FILIP1: variants seen among roughly 807,000 people sequenced by gnomAD.
FILIP1 encodes the protein filamin-A-interacting protein 1.
Under a neutral mutation model 102.1 loss-of-function variants are expected in FILIP1, and 61 were observed. The observed-to-expected ratio is 0.60, with a 90% CI of 0.49 to 0.74. FILIP1 has a LOEUF of 0.74. Ranked by LOEUF, FILIP1 falls within the 30% of genes least tolerant of loss-of-function variation. The pLI is 0.00. For missense variants in FILIP1, 1,314 were observed against 1,441.2 expected (o/e 0.91, Z 1.43); for synonymous variants, 491 against 526.9 (o/e 0.93, Z 0.93).
chr6:75,333,687 AAATCACACT>A (rs1279948657), intron 4 of FILIP1, among the ~76,000 whole-genome samples: 1 of 152,162 alleles, frequency 6.6e-6, no homozygotes, highest in East Asian at 1.9e-4. Flanking sequence ...TGTGAATCTA[AAATCACACT>A]ATAAAAATTT....
intron 4 of FILIP1, among the ~76,000 whole-genome samples, chr6:75,322,594 A>T (rs1773700182): frequency 6.6e-6 from 1 of 152,256 alleles, no homozygotes; most frequent in Non-Finnish European, 1.5e-5. Flanking sequence ...TCTTTAGAGA[A>T]CAAAGACAAG....
At chr6:75,403,310 T>C (rs1037436879) in intron 2 of FILIP1, among the ~76,000 whole-genome samples, 1 of 151,792 alleles carries the variant, frequency 6.6e-6, no homozygotes, top group Admixed American at 6.6e-5. Flanking sequence ...ACTCAGGAGT[T>C]CAAGACCAGC....
intron 3 of FILIP1, among the ~76,000 whole-genome samples, chr6:75,360,407 C>A (rs1424378753): frequency 1.3e-5 from 2 of 152,062 alleles, no homozygotes; most frequent in Non-Finnish European, 2.9e-5. Context: ...CTAGGGACTT[C>A]CGGATATATT....
Position 75,313,601 on chromosome 6 carries a change from A to T in FILIP1, c.2231T>A (p.Leu744His), listed in dbSNP as rs1422685554. The stretch of plus-strand genomic sequence containing the variant: ...TTGAAGTACAGAATAATCTACCTGG[A>T]GCTGAGAAAGCTGATCTTCTTTGTT... ...LMNKEDQLSQLQVDYSVLQQR... is the reference protein window; with the variant it reads ...LMNKEDQLSQHQVDYSVLQQR... The change falls in exon 5 of 6, where the codon CTC (leucine) becomes CAC (histidine). Residue 744 changes from leucine to histidine, a missense_variant. Leu to His is a moderately conservative substitution (Grantham distance 99). This residue lies in a region of FILIP1 where 816 missense variants were observed against 913.1 expected (regional missense o/e 0.89). Coordinates refer to ENST00000237172, the MANE Select transcript of FILIP1 (RefSeq NM_015687.5). The surrounding 1 kb of genome is among the most constrained non-coding windows in gnomAD (Gnocchi z 4.2). The T allele has an allele frequency of 3.1e-6, 5 of 1,609,260 alleles. No individual in the cohort carries two copies. The highest frequency in any genetic ancestry group is 4.2e-6 in the Non-Finnish European group (5 of 1,178,764).
chr6:75,306,956 C>A (rs1297851351), downstream of FILIP1, among the ~76,000 whole-genome samples: 2 of 152,088 alleles, frequency 1.3e-5, no homozygotes, highest in African/African-American at 4.8e-5. Context: ...GCGCCCACCC[C>A]CACACTCGGC....
chr6:75,397,396 GA>G (rs1385174417), intron 2 of FILIP1, among the ~76,000 whole-genome samples: 1 of 150,094 alleles, frequency 6.7e-6, no homozygotes, highest in African/African-American at 2.4e-5. Context: ...TTCCATTAAA[GA>G]AAAAAAAGGC....
chr6:75,425,066 T>C (rs999158796), intron 1 of FILIP1, among the ~76,000 whole-genome samples: 1 of 152,192 alleles, frequency 6.6e-6, no homozygotes, highest in Non-Finnish European at 1.5e-5. Context: ...TCCCTTGTCT[T>C]AGATTAAATC....
intron 1 of FILIP1, among the ~76,000 whole-genome samples, chr6:75,475,510 A>G (rs560374591): frequency 6.6e-6 from 1 of 152,310 alleles, no homozygotes; most frequent in South Asian, 2.1e-4. Flanking sequence ...GTTGTTATTA[A>G]AACAATAAAA....
chr6:75,488,132 A>G (rs2149786684), intron 1 of FILIP1, among the ~76,000 whole-genome samples: 1 of 152,234 alleles, frequency 6.6e-6, no homozygotes, highest in Non-Finnish European at 1.5e-5. Context: ...AAAAAAACCC[A>G]AACTTTCTTT....
At chr6:75,304,798 GA>G (rs569619533), downstream of FILIP1, among the ~76,000 whole-genome samples, 242 of 152,262 alleles carry the variant, frequency 1.6e-3, 1 homozygote, top group African/African-American at 5.6e-3. Flanking sequence ...TTCTCCGGGG[GA>G]AAAAACTGTG....
At chr6:75,293,731 T>C (rs1324665745) in exon 7 of FILIP1, 2 of 152,196 alleles carry the variant, frequency 1.3e-5, no homozygotes, top group African/African-American at 4.8e-5. Context: ...ATTAGTATAA[T>C]AAAATTCCCA....
At chr6:75,473,902 G>C (rs545696230) in intron 1 of FILIP1, 3 of 152,120 alleles carry the variant, frequency 2.0e-5, no homozygotes, top group Admixed American at 2.0e-4. Context: ...TAGGACGAAG[G>C]TAAGGGTATA....
chr6:75,326,819 T>A (rs1326469681), intron 4 of FILIP1, among the ~76,000 whole-genome samples: 7 of 152,210 alleles, frequency 4.6e-5, no homozygotes, highest in Non-Finnish European at 8.8e-5. Flanking sequence ...TTTGCCAGAC[T>A]CTGTTTAGGT....
Position 75,362,853 on chromosome 6 carries a change from T to A in FILIP1, c.341A>T (p.His114Leu), listed in dbSNP as rs763897881. 5.0e-6 allele frequency: 8 copies of A among 1,613,952 alleles called. No individual in the cohort carries two copies. In the Admixed American group the frequency reaches 1.3e-4, roughly 27 times the overall value. Residue 114 changes from histidine (H) to leucine (L), a missense_variant, in exon 3 of 6, where the codon CAT (histidine) becomes CTT (leucine). Physicochemically the swap from His to Leu is moderately conservative, Grantham distance 99. Transcript: ENST00000237172. ...EKTKPEVLEA[H>L]YGSAEPEKVL... ...TTTCTCTGGCTCCGCAGACCCGTAATGAGCCTCCAGAACCTCAGGCTTGGT... is the reference window on the plus strand; with the variant it reads ...TTTCTCTGGCTCCGCAGACCCGTAAAGAGCCTCCAGAACCTCAGGCTTGGT...
Position 75,313,316 on chromosome 6 carries a change from C to A in FILIP1, c.2516G>T (p.Arg839Leu). ...QEENHIMSNL[R>L]QVGLKKPVER... ...CACGGGTTTCTTCAATCCCACCTGCCGAAGATTACTCATAATATGATTTTC... is the reference window on the plus strand; with the variant it reads ...CACGGGTTTCTTCAATCCCACCTGCAGAAGATTACTCATAATATGATTTTC... Residue 839 changes from arginine (R) to leucine (L), a missense_variant, in exon 5 of 6, where the codon CGG becomes CTG. Arg to Leu is a moderately radical substitution (Grantham distance 102). Around this residue, in one of 3 missense-constraint regions of FILIP1, gnomAD observed 816 missense variants for 913.1 expected, o/e 0.89. Transcript: ENST00000237172. The surrounding 1 kb of genome is among the most constrained non-coding windows in gnomAD (Gnocchi z 4.2). 1 of 1,614,130 alleles carries A rather than the reference C, an allele frequency of 6.2e-7. No individual in the cohort carries two copies. The highest frequency in any genetic ancestry group is 8.5e-7 in the Non-Finnish European group (1 of 1,180,024).
chr6:75,336,545 AC>A lies in FILIP1; in HGVS notation c.629+16993del, dbSNP rs568309390. 2.4e-4 allele frequency among the ~76,000 whole-genome samples: 36 copies of A among 152,242 alleles called. 1 individual carries two copies. The highest frequency in any genetic ancestry group is 7.9e-4 in the African/African-American group (33 of 41,550). Reference sequence around the variant, plus strand: ...GAATCAAGGGGTCAGGACCGATTATACAATCAAGCGGCAGGCATCTTGTACT... The same window carrying A: ...GAATCAAGGGGTCAGGACCGATTATAAATCAAGCGGCAGGCATCTTGTACT... On this transcript the variant is annotated intron_variant, in intron 4 of 5. Coordinates refer to ENST00000237172, the MANE Select transcript of FILIP1 (RefSeq NM_015687.5).
chr6:75,306,709 A>G (rs1414111927), downstream of FILIP1, among the ~76,000 whole-genome samples: 1 of 151,872 alleles, frequency 6.6e-6, no homozygotes, highest in Non-Finnish European at 1.5e-5. Flanking sequence ...TTGAAATCCC[A>G]TTACTATGGC....
intron 1 of FILIP1, among the ~76,000 whole-genome samples, chr6:75,462,798 C>T (rs1373513995): frequency 6.6e-6 from 1 of 152,090 alleles, no homozygotes; most frequent in Non-Finnish European, 1.5e-5. Flanking sequence ...TCATTCTATA[C>T]AAGCTGCCCC....
intron 2 of FILIP1, among the ~76,000 whole-genome samples, chr6:75,371,965 T>C (rs1775534918): frequency 6.6e-6 from 1 of 152,204 alleles, no homozygotes; most frequent in African/African-American, 2.4e-5. Flanking sequence ...AATTGGACTA[T>C]GTTCAATTTA....
Sources: allele counts gnomAD v4.1 joint callset (sites outside exome capture counted in the v4.1 genomes callset), GRCh38; gene constraint gnomAD v4.1.1; regional missense constraint gnomAD v4.1.1; non-coding constraint Gnocchi (gnomAD v3.1); transcripts MANE v1.5; gene names NCBI Gene and HGNC (gene_info 2026-07-23, HGNC 2026-07-21).